KBTBD3: variants seen among roughly 807,000 people sequenced by gnomAD.
KBTBD3 encodes kelch repeat and BTB domain-containing protein 3.
In KBTBD3, 38 loss-of-function variants were observed where a neutral mutation model predicts 49.6. The observed-to-expected ratio is 0.77, with a 90% CI of 0.59 to 1.00. The LOEUF is 1.00. Ranked by LOEUF, KBTBD3 falls within the 50% of genes least tolerant of loss-of-function variation. The pLI is 0.00. For synonymous variants in KBTBD3, 214 were observed against 250.4 expected (o/e 0.85, Z 1.37); for missense variants, 661 against 712.0 (o/e 0.93, Z 0.81).
intron 2 of KBTBD3, among the ~76,000 whole-genome samples, chr11:106,062,115 C>G (rs935518887): frequency 4.6e-5 from 7 of 151,962 alleles, no homozygotes; most frequent in Non-Finnish European, 1.0e-4. Flanking sequence ...GGCAGTACTG[C>G]TGGAAATCTA....
rs1227224176 is a variant in KBTBD3, at chr11:106,053,069, T to C, written c.1620A>G (p.Ala540=). Reference sequence around the variant, plus strand: ...TTCCAATTGCACCTGCATTAAAGCCTGCACACTCAAAAGATCCTTCGCCTT... The same window carrying C: ...TTCCAATTGCACCTGCATTAAAGCCCGCACACTCAAAAGATCCTTCGCCTT... ...VWKGEGSFEC[A]GFNAGAIGIE... is the part of the protein sequence containing the mutation. The change falls in exon 4 of 4, where the codon GCA becomes GCG. Residue 540 remains alanine, a synonymous_variant. Coordinates refer to ENST00000531837, the MANE Select transcript of KBTBD3 (RefSeq NM_198439.3). 1 of 1,613,756 alleles carries C rather than the reference T, an allele frequency of 6.2e-7. No individual in the cohort carries two copies. The highest frequency in any genetic ancestry group is 1.7e-5 in the Admixed American group (1 of 59,928).
At chr11:106,060,330 A>G (rs778694895) in intron 2 of KBTBD3, among the ~76,000 whole-genome samples, 5 of 152,050 alleles carry the variant, frequency 3.3e-5, no homozygotes, top group Non-Finnish European at 5.9e-5. Flanking sequence ...TAACTGTAAA[A>G]TAACTATTTT....
intron 2 of KBTBD3, among the ~76,000 whole-genome samples, chr11:106,069,873 G>A (rs1305291711): frequency 1.3e-5 from 2 of 152,012 alleles, no homozygotes; most frequent in African/African-American, 4.8e-5. Flanking sequence ...CTATAGCTAT[G>A]GTAATCAATA....
intron 2 of KBTBD3, among the ~76,000 whole-genome samples, chr11:106,065,587 G>A (rs1174169843): frequency 6.6e-6 from 1 of 152,150 alleles, no homozygotes; most frequent in Admixed American, 6.6e-5. Flanking sequence ...CTGATAATTT[G>A]GGGTAAAATA....
rs1860502899 is a variant in KBTBD3 at position 106,054,196 on chromosome 11, C to T, written c.493G>A (p.Gly165Ser). The T allele has an allele frequency of 1.2e-6, 2 of 1,612,872 alleles. No homozygotes were observed. Among genetic ancestry groups the T allele is most frequent in the Non-Finnish European group, 8.5e-7 (1 of 1,179,406 alleles). ...GCATGATCAAACAAACTGGTGGAGC[C>T]ATAGCTATCTGATATAGATAATAAC... is the stretch of plus-strand genomic sequence containing the variant. The part of the protein sequence containing the change: ...LQLLSISDSY[G>S]STSLFDHALH... The change falls in exon 4 of 4, where the codon GGC (glycine) becomes AGC (serine). Residue 165 changes from glycine to serine, a missense_variant. By Grantham distance (56) the Gly-to-Ser change is moderately conservative (BLOSUM62 0). Transcript: ENST00000531837.
At position 106,053,857 on chromosome 11, in the gene KBTBD3, C is replaced by A. The variant is rs780057829; in HGVS notation, c.832G>T (p.Val278Leu). 6.2e-7 allele frequency: 1 copy of A among 1,614,048 alleles called. No individual in the cohort carries two copies. The highest frequency in any genetic ancestry group is 2.2e-5 in the East Asian group (1 of 44,878). ...GGGAAGAGTCCACCAGAACCTTGCACACACTTAATTGCATCCATGATTATG... is the reference window on the plus strand; with the variant it reads ...GGGAAGAGTCCACCAGAACCTTGCAAACACTTAATTGCATCCATGATTATG... Reference protein sequence around the residue: ...FDIIMDAIKCVQGSGGLFPDA... With the variant: ...FDIIMDAIKCLQGSGGLFPDA... Residue 278 changes from valine to leucine, a missense_variant, in exon 4 of 4, where the codon GTG (valine) becomes TTG (leucine). Transcript: ENST00000531837.
At chr11:106,065,995 C>T (rs1163634228) in intron 2 of KBTBD3, among the ~76,000 whole-genome samples, 2 of 149,634 alleles carry the variant, frequency 1.3e-5, no homozygotes, top group African/African-American at 4.9e-5. Flanking sequence ...CAGGTGGGGC[C>T]TAGAGGAGCA....
chr11:106,054,533 TTCC>T (rs1405331898), intron 3 of KBTBD3, 78 bp from the exon 4 acceptor site: 54 of 1,099,744 alleles, frequency 4.9e-5, no homozygotes, highest in Non-Finnish European at 6.4e-5. Flanking sequence ...TTAAAGAGGT[TTCC>T]TTACTCTTGA....
At chr11:106,066,989 T>C (rs906140071) in intron 2 of KBTBD3, among the ~76,000 whole-genome samples, 5 of 152,188 alleles carry the variant, frequency 3.3e-5, no homozygotes, top group Non-Finnish European at 7.3e-5. Flanking sequence ...TTCCCTGGGT[T>C]TTCCTTTTGC....
intron 3 of KBTBD3, among the ~76,000 whole-genome samples, chr11:106,056,563 T>A (rs762553707): frequency 6.6e-6 from 1 of 152,344 alleles, no homozygotes; most frequent in Middle Eastern, 3.4e-3. Flanking sequence ...TTAGAAATAA[T>A]AATCATAGCA....
At chr11:106,058,036 T>C (rs2135001031) in intron 3 of KBTBD3, 1 of 398,438 alleles carries the variant, frequency 2.5e-6, no homozygotes, top group East Asian at 3.6e-5. Flanking sequence ...CTTTGGGAAA[T>C]GCTGACCTGG....
intron 2 of KBTBD3, among the ~76,000 whole-genome samples, chr11:106,071,458 G>A (rs1418073132): frequency 6.6e-6 from 1 of 152,074 alleles, no homozygotes; most frequent in Non-Finnish European, 1.5e-5. Flanking sequence ...ACCACATGAT[G>A]TAAACACAAA....
chr11:106,060,405 A>T (rs1186178796), intron 2 of KBTBD3, among the ~76,000 whole-genome samples: 1 of 152,114 alleles, frequency 6.6e-6, no homozygotes, highest in Non-Finnish European at 1.5e-5. Context: ...AATCTCTTTA[A>T]CATCTGGCTT....
chr11:106,070,581 TATA>T (rs1860898467), intron 2 of KBTBD3, among the ~76,000 whole-genome samples: 1 of 151,974 alleles, frequency 6.6e-6, no homozygotes. Flanking sequence ...TAAAATAAAA[TATA>T]ATGACAACAC....
At position 106,052,821 on chromosome 11, in the gene KBTBD3, T is replaced by A. The variant is rs777395233; in HGVS notation, c.*29A>T. The stretch of plus-strand genomic sequence containing the variant: ...TTTTGGTTAACAAATTTACTTTAGG[T>A]TACTAGAACTGGACTCGTTTTAGAA... On this transcript the variant is annotated 3_prime_UTR_variant, in exon 4 of 4. Transcript: ENST00000531837. The A allele has an allele frequency of 4.5e-6, 7 of 1,556,164 alleles. No homozygotes were observed. In the East Asian group the frequency reaches 1.4e-4, roughly 30 times the overall value.
In KBTBD3 at chr11:106,072,012, T is replaced by C. The variant is rs549123919; in HGVS notation, c.-13+4495A>G. On this transcript the variant is annotated intron_variant, in intron 2 of 3. Transcript: ENST00000531837. ...AAATTCAATTATGCTATTTCATTGA[T>C]TTTAAGACACAAATTTTTTCACACT... 1.6e-4 allele frequency among the ~76,000 whole-genome samples: 25 copies of C among 152,332 alleles called. No homozygotes were observed. The South Asian group carries it at 4.8e-3, about 29-fold the overall frequency.
chr11:106,072,790 C>G (rs980658197), intron 2 of KBTBD3, among the ~76,000 whole-genome samples: 2 of 151,908 alleles, frequency 1.3e-5, no homozygotes, highest in Non-Finnish European at 2.9e-5. Flanking sequence ...GATTTCTGGC[C>G]TATTTTAGTA....
rs1449538072 is a variant in KBTBD3, at chr11:106,054,143, A to AG, written c.545dup (p.Leu183PhefsTer4). ...AGAAATCACTGGATTTAAATAATAA[A>AG]GAAAAGTGATGTTGTACAAAGTGTA... On this transcript the variant is annotated frameshift_variant, in exon 4 of 4. Coordinates refer to ENST00000531837, the MANE Select transcript of KBTBD3 (RefSeq NM_198439.3). LOFTEE classifies it high-confidence loss of function. 2 of 1,613,044 alleles carry AG rather than the reference A, an allele frequency of 1.2e-6. No individual in the cohort carries two copies. The highest frequency in any genetic ancestry group is 4.5e-5 in the East Asian group (2 of 44,854).
rs1860415747 is a variant in KBTBD3, at chr11:106,051,394, A to C, written c.*1456T>G. ...TCATGAAAATGTACTCTGATATTCC[A>C]TTCTGTTTTGAAAAATACATTTGGA... On this transcript the variant is annotated 3_prime_UTR_variant, in exon 4 of 4. Transcript: ENST00000531837. 6.6e-6 allele frequency: 1 copy of C among 151,978 alleles called. No homozygotes were observed. Among genetic ancestry groups the C allele is most frequent in the Non-Finnish European group, 1.5e-5 (1 of 67,898 alleles). The allele number at this position is 151,978 out of a possible 1,614,324, so 9.4% of individuals were successfully genotyped here.
Sources: allele counts gnomAD v4.1 joint callset (sites outside exome capture counted in the v4.1 genomes callset), GRCh38; gene constraint gnomAD v4.1.1; transcripts MANE v1.5; gene names NCBI Gene and HGNC (gene_info 2026-07-23, HGNC 2026-07-21).